Variants in ACAD11 observed in about 807,000 individuals in gnomAD.
ACAD11 encodes the protein acyl-Coenzyme A dehydrogenase family, member 11.
A neutral mutation model predicts 102.2 loss-of-function variants in ACAD11; 83 were observed. The ratio of observed to expected loss-of-function variants is 0.81; its 90% CI spans 0.68 to 0.97. The LOEUF (loss-of-function observed/expected upper bound fraction) is 0.97. Ranked by LOEUF, ACAD11 falls within the 50% of genes least tolerant of loss-of-function variation. ACAD11 has a pLI of 0.00. For synonymous variants in ACAD11, 324 were observed against 319.8 expected (o/e 1.01, Z -0.14); for missense variants, 901 against 951.7 (o/e 0.95, Z 0.70).
intron 16 of ACAD11, 126 bp from the exon 17 acceptor site, chr3:132,576,052 G>A: frequency 9.5e-7 from 1 of 1,054,206 alleles, no homozygotes; most frequent in South Asian, 1.7e-5. Flanking sequence ...GTGAAAAAAA[G>A]TCAGTTCTAT....
chr3:132,627,301 T>C (rs1939863510), intron 8 of ACAD11, among the ~76,000 whole-genome samples: 1 of 152,324 alleles, frequency 6.6e-6, no homozygotes, highest in Non-Finnish European at 1.5e-5. Flanking sequence ...TTCTTTTCGC[T>C]TAATAAATCG....
intron 17 of ACAD11, among the ~76,000 whole-genome samples, chr3:132,566,835 A>G (rs965475753): frequency 6.6e-6 from 1 of 152,230 alleles, no homozygotes; most frequent in Non-Finnish European, 1.5e-5. Flanking sequence ...GGAAAGAAGA[A>G]AGAACACAAT....
chr3:132,602,090 T>C (rs1938632801), intron 13 of ACAD11: 1 of 166,842 alleles, frequency 6.0e-6, no homozygotes, highest in African/African-American at 2.4e-5. Flanking sequence ...TGCATAATTT[T>C]AGTACTTGAA....
intron 4 of ACAD11, among the ~76,000 whole-genome samples, chr3:132,639,938 C>G (rs1245163145): frequency 6.6e-6 from 1 of 151,412 alleles, no homozygotes; most frequent in Non-Finnish European, 1.5e-5. Flanking sequence ...TCAGCAACTA[C>G]TTTGTAGAAG....
chr3:132,622,844 G>A (rs1309223053), intron 9 of ACAD11, among the ~76,000 whole-genome samples: 3 of 152,132 alleles, frequency 2.0e-5, no homozygotes, highest in African/African-American at 7.2e-5. Flanking sequence ...TTAAATCTGA[G>A]CCTACAAATA....
chr3:132,641,560 TGAAGAAGAAGAAGAAGAA>T (rs370839030), intron 4 of ACAD11, among the ~76,000 whole-genome samples: 5 of 99,512 alleles, frequency 5.0e-5, no homozygotes, highest in East Asian at 6.9e-4. Context: ...ATGATGATGA[TGAAGAAGAAGAAGAAGAA>T]GAAGAAGAAG....
At chr3:132,607,209 C>T (rs1938883312) in intron 11 of ACAD11, among the ~76,000 whole-genome samples, 1 of 152,148 alleles carries the variant, frequency 6.6e-6, no homozygotes, top group African/African-American at 2.4e-5. Context: ...AACCAGAATG[C>T]CTCTTCTCTC....
chr3:132,593,216 A>C (rs937311827), intron 13 of ACAD11, among the ~76,000 whole-genome samples: 2 of 151,960 alleles, frequency 1.3e-5, no homozygotes, highest in Non-Finnish European at 2.9e-5. Flanking sequence ...AAAAGCAAAA[A>C]AAAATTGGGG....
intron 13 of ACAD11, among the ~76,000 whole-genome samples, chr3:132,585,474 A>C (rs1183123621): frequency 6.6e-6 from 1 of 152,242 alleles, no homozygotes; most frequent in Non-Finnish European, 1.5e-5. Flanking sequence ...CAATGTCAAC[A>C]AAAGACAAAA....
At chr3:132,561,361 A>T in intron 17 of ACAD11, 144 bp from the exon 18 acceptor site, 1 of 692,810 alleles carries the variant, frequency 1.4e-6, no homozygotes, top group South Asian at 1.5e-5. Flanking sequence ...TTTTAAATGG[A>T]AGAGTTAATT....
At chr3:132,561,455 C>A (rs1937054631) in intron 17 of ACAD11, 1 of 481,384 alleles carries the variant, frequency 2.1e-6, no homozygotes, top group South Asian at 1.8e-5. Flanking sequence ...ATTTTATTTT[C>A]CCAGAAAAAT....
chr3:132,572,565 A>G (rs1349961599), intron 17 of ACAD11, among the ~76,000 whole-genome samples: 2 of 152,248 alleles, frequency 1.3e-5, no homozygotes, highest in African/African-American at 4.8e-5. Context: ...TATGGAACCA[A>G]GAAAGAGCCC....
chr3:132,649,381 G>A (rs1940847904), intron 1 of ACAD11, among the ~76,000 whole-genome samples: 1 of 152,230 alleles, frequency 6.6e-6, no homozygotes, highest in Admixed American at 6.5e-5. Context: ...CCTGTGGTGG[G>A]AGGTGAGACA....
chr3:132,639,811 G>C (rs1484185858), intron 4 of ACAD11, among the ~76,000 whole-genome samples, 155 bp from the exon 5 acceptor site: 1 of 152,026 alleles, frequency 6.6e-6, no homozygotes, highest in Non-Finnish European at 1.5e-5. Context: ...ACTCAAATCA[G>C]CCTAAACCTT....
chr3:132,611,318 T>G (rs1326460372), intron 11 of ACAD11, among the ~76,000 whole-genome samples: 1 of 151,698 alleles, frequency 6.6e-6, no homozygotes, highest in South Asian at 2.1e-4. Context: ...TGGCACAAGA[T>G]AGGGATGCCC....
chr3:132,652,589 C>T (rs1940967517), intron 1 of ACAD11, among the ~76,000 whole-genome samples: 1 of 151,958 alleles, frequency 6.6e-6, no homozygotes, highest in African/African-American at 2.4e-5. Context: ...ACTGATATAA[C>T]TGGCCATAGC....
intron 12 of ACAD11, 197 bp downstream of exon 12, chr3:132,604,901 C>A (rs1056502324): frequency 2.2e-6 from 1 of 449,998 alleles, no homozygotes; most frequent in Admixed American, 3.7e-5. Flanking sequence ...GATATTCTAA[C>A]AAAGGAGAGG....
intron 2 of ACAD11, among the ~76,000 whole-genome samples, chr3:132,644,497 G>C (rs1396336024): frequency 6.6e-6 from 1 of 151,988 alleles, no homozygotes; most frequent in Non-Finnish European, 1.5e-5. Flanking sequence ...CAGATGAGTA[G>C]CACTGAAAAT....
chr3:132,654,521 A>C (rs1937676966), intron 1 of ACAD11: 1 of 152,234 alleles, frequency 6.6e-6, no homozygotes. Context: ...AAGTCAGCTG[A>C]AGATAATGGC....
Sources: gnomAD v4.1 joint callset for allele counts (sites outside exome capture counted in the v4.1 genomes callset) on GRCh38, gnomAD v4.1.1 for gene constraint, MANE v1.5 for transcripts, NCBI Gene and HGNC (gene_info 2026-07-23, HGNC 2026-07-21) for gene names.